The following LRMDA variants were observed in gnomAD, a reference collection of about 807,000 sequenced individuals.
The protein encoded by LRMDA is leucine rich melanocyte differentiation associated.
Under a neutral mutation model 29.8 loss-of-function variants are expected in LRMDA, and 18 were observed. The ratio of observed to expected loss-of-function variants is 0.60; its 90% CI spans 0.42 to 0.90. The LOEUF is 0.90. LRMDA is among the 40% of genes least tolerant of loss of function. LRMDA has a pLI of 0.00. For missense variants in LRMDA, 273 were observed against 273.9 expected (o/e 1.00, Z 0.02); for synonymous variants, 125 against 109.4 (o/e 1.14, Z -0.89).
chr10:75,434,148 C>G (rs1212988087), intron 1 of LRMDA, among the ~76,000 whole-genome samples: 1 of 152,186 alleles, frequency 6.6e-6, no homozygotes. Flanking sequence ...ATCGTAGACA[C>G]AAATACAAAC....
intron 2 of LRMDA, among the ~76,000 whole-genome samples, chr10:75,586,487 A>G (rs9416083): frequency 0.085 from 12,932 of 151,316 alleles, 832 homozygotes; most frequent in East Asian, 0.32. Flanking sequence ...CCTCCCAAGT[A>G]GCTGGGACCA....
intron 6 of LRMDA, among the ~76,000 whole-genome samples, chr10:76,476,994 A>G (rs1444422120): frequency 6.6e-6 from 1 of 152,136 alleles, no homozygotes; most frequent in Non-Finnish European, 1.5e-5. Context: ...TGGGCACAAG[A>G]CAGGGATGCC....
chr10:76,007,315 G>A (rs530292291), intron 2 of LRMDA, among the ~76,000 whole-genome samples: 8 of 150,372 alleles, frequency 5.3e-5, no homozygotes, highest in East Asian at 2.0e-4. Flanking sequence ...CCCCTCTGAC[G>A]AATGGGAGGG....
chr10:76,188,810 A>C (rs1316704174), intron 5 of LRMDA, among the ~76,000 whole-genome samples: 2 of 152,180 alleles, frequency 1.3e-5, no homozygotes, highest in Non-Finnish European at 2.9e-5. Flanking sequence ...GTTACAAAGA[A>C]TAAAGTAATA....
intron 2 of LRMDA, among the ~76,000 whole-genome samples, chr10:75,529,609 T>G (rs1169788742): frequency 6.6e-6 from 1 of 152,142 alleles, no homozygotes; most frequent in Non-Finnish European, 1.5e-5. Context: ...AGGAGCATCT[T>G]CCCCAGCATG....
intron 2 of LRMDA, among the ~76,000 whole-genome samples, chr10:75,574,300 T>C (rs1840475769): frequency 6.6e-6 from 1 of 152,238 alleles, no homozygotes; most frequent in Admixed American, 6.5e-5. Context: ...CTCTTCTATG[T>C]ACTAAGATTT....
At chr10:76,412,394 C>T (rs1201281120) in intron 6 of LRMDA, among the ~76,000 whole-genome samples, 5 of 152,146 alleles carry the variant, frequency 3.3e-5, no homozygotes, top group Non-Finnish European at 7.3e-5. Context: ...GGCACACAAC[C>T]TTATTTGTTC....
chr10:76,279,539 C>CTTT (rs759651873), intron 5 of LRMDA, among the ~76,000 whole-genome samples: 3,576 of 93,508 alleles, frequency 0.038, 162 homozygotes, highest in African/African-American at 0.11. Flanking sequence ...ACAAATGCTT[C>CTTT]TTTTTTTTTT....
rs145646745 is a variant in LRMDA at position 75,706,760 on chromosome 10, G to A, written c.131+268266G>A. ...TTTTTTTTTTTTTTTTTCAGATGAG[G>A]AAACTGAAACTCAGTGAGTTTATAC... On this transcript the variant is annotated intron_variant, in intron 2 of 6. Coordinates refer to ENST00000611255, the MANE Select transcript of LRMDA (RefSeq NM_001305581.2). 3.5e-5 allele frequency among the ~76,000 whole-genome samples: 5 copies of A among 144,834 alleles called. No individual in the cohort carries two copies. In the East Asian group the frequency reaches 1.0e-3, roughly 29 times the overall value.
In LRMDA at chr10:75,512,431, G is replaced by A. The variant is rs559964762; in HGVS notation, c.131+73937G>A. The stretch of plus-strand genomic sequence containing the variant: ...TATTACTTTGACCATTTTGCTCCAG[G>A]AAAAGCATTAGTAATTTATAAATAA... On this transcript the variant is annotated intron_variant, in intron 2 of 6. Coordinates refer to ENST00000611255, the MANE Select transcript of LRMDA (RefSeq NM_001305581.2). Among the ~76,000 whole-genome samples, 4 of 152,146 alleles carry A rather than the reference G, an allele frequency of 2.6e-5. No homozygotes were observed. The East Asian group carries it at 7.7e-4, about 29-fold the overall frequency.
chr10:76,504,717 A>G (rs1842942910), intron 6 of LRMDA, among the ~76,000 whole-genome samples: 1 of 152,058 alleles, frequency 6.6e-6, no homozygotes, highest in African/African-American at 2.4e-5. Context: ...GGATCTCTAA[A>G]TGATGGCAGA....
At chr10:75,765,538 T>C (rs544532275) in intron 2 of LRMDA, among the ~76,000 whole-genome samples, 1 of 152,270 alleles carries the variant, frequency 6.6e-6, no homozygotes, top group South Asian at 2.1e-4. Context: ...TATTGTAAAT[T>C]CCAAAAAATT....
At chr10:76,197,717 G>A (rs1157261095) in intron 5 of LRMDA, among the ~76,000 whole-genome samples, 1 of 151,938 alleles carries the variant, frequency 6.6e-6, no homozygotes, top group Non-Finnish European at 1.5e-5. Flanking sequence ...TCAGGAGTTT[G>A]AGACCCGCCT....
intron 2 of LRMDA, chr10:75,552,411 G>GTT: frequency 3.8e-6 from 1 of 264,802 alleles, no homozygotes. Flanking sequence ...GCTTTGTTCT[G>GTT]TGTTTTTTTT....
chr10:76,489,752 G>T (rs535786936), intron 6 of LRMDA, among the ~76,000 whole-genome samples: 2 of 151,932 alleles, frequency 1.3e-5, no homozygotes, highest in African/African-American at 4.8e-5. Flanking sequence ...TACTGCTTGG[G>T]TGATAGGTAC....
chr10:75,606,222 A>G (rs1345863647), intron 2 of LRMDA, among the ~76,000 whole-genome samples: 1 of 144,286 alleles, frequency 6.9e-6, no homozygotes, highest in Non-Finnish European at 1.5e-5. Context: ...CTTAAACCCA[A>G]CCAAACTGAG....
At chr10:76,399,567 T>C (rs1841826133) in intron 6 of LRMDA, among the ~76,000 whole-genome samples, 2 of 152,216 alleles carry the variant, frequency 1.3e-5, no homozygotes, top group Non-Finnish European at 2.9e-5. Context: ...TTCATAGCAT[T>C]CCTGAAATTT....
chr10:76,267,486 T>C (rs1369062857), intron 5 of LRMDA, among the ~76,000 whole-genome samples: 4 of 152,176 alleles, frequency 2.6e-5, no homozygotes, highest in African/African-American at 9.7e-5. Context: ...TCCCTATTTC[T>C]CCACTTTCCA....
At chr10:75,705,149 C>T (rs4746322) in intron 2 of LRMDA, among the ~76,000 whole-genome samples, 3,346 of 152,290 alleles carry the variant, frequency 0.022, 121 homozygotes, top group African/African-American at 0.077. Context: ...GTGTTATTTT[C>T]TCTTTTCCTT....
Sources: gnomAD v4.1 joint callset for allele counts (sites outside exome capture counted in the v4.1 genomes callset) on GRCh38, gnomAD v4.1.1 for gene constraint, MANE v1.5 for transcripts, NCBI Gene and HGNC (gene_info 2026-07-23, HGNC 2026-07-21) for gene names.